The following ZNF839 variants were observed in gnomAD, a reference collection of about 807,000 sequenced individuals.
ZNF839 encodes the protein renal carcinoma antigen NY-REN-50.
Under a neutral mutation model 56.4 loss-of-function variants are expected in ZNF839, and 38 were observed. The ratio of observed to expected loss-of-function variants is 0.67; its 90% CI spans 0.52 to 0.88. The LOEUF (loss-of-function observed/expected upper bound fraction) is 0.88, where lower values mean the gene tolerates loss of function less well. ZNF839 is among the 40% of genes least tolerant of loss of function. The probability of loss-of-function intolerance (pLI) is 0.00; values close to 1 mark genes in which losing one functional copy is unlikely to be tolerated. For missense variants in ZNF839, 1,091 were observed against 1,177.6 expected (o/e 0.93, Z 1.08); for synonymous variants, 486 against 493.5 (o/e 0.98, Z 0.20).
At chr14:102,318,300 C>T (rs1319940457), upstream of ZNF839, among the ~76,000 whole-genome samples, 7 of 152,142 alleles carry the variant, frequency 4.6e-5, no homozygotes, top group East Asian at 1.9e-4. Flanking sequence ...GAATATGCCA[C>T]GGTGGCATGA....
At chr14:102,335,427 C>T (rs1042100821) in intron 4 of ZNF839, 10 of 377,508 alleles carry the variant, frequency 2.6e-5, no homozygotes, top group African/African-American at 4.2e-5. Flanking sequence ...TCCCTTCCCA[C>T]CCTGTCCAGG....
chr14:102,318,747 C>T (rs576929593), upstream of ZNF839, among the ~76,000 whole-genome samples: 3 of 152,178 alleles, frequency 2.0e-5, no homozygotes, highest in Non-Finnish European at 2.9e-5. Context: ...TGGTGGTGAT[C>T]TTCCAGAACC....
intron 7 of ZNF839, among the ~76,000 whole-genome samples, chr14:102,339,480 C>T (rs1886245531): frequency 1.3e-5 from 2 of 152,176 alleles, no homozygotes; most frequent in African/African-American, 4.8e-5. Context: ...TGCAGTGGCT[C>T]ACGCCTATAA....
At chr14:102,317,770 C>G (rs2072938583), upstream of ZNF839, 2 of 152,164 alleles carry the variant, frequency 1.3e-5, no homozygotes. Flanking sequence ...GAAACCTTCT[C>G]TTGCTTTTTG....
chr14:102,337,429 G>A (rs10134464), intron 5 of ZNF839: 6,618 of 150,814 alleles, frequency 0.044, 283 homozygotes, highest in African/African-American at 0.11. Context: ...TCAGCCTTCC[G>A]AAGTGCTGGG....
In ZNF839 at chr14:102,342,334, A is replaced by T. The variant is rs1886630818; in HGVS notation, c.*155A>T. ...TTCTAATGTGAATATTGCACAGATG[A>T]ACCTTTTATTTATAAAGAATAATGT... On this transcript the variant is annotated 3_prime_UTR_variant, in exon 8 of 8. Transcript: ENST00000442396. 1 of 853,720 alleles carries T rather than the reference A, an allele frequency of 1.2e-6. No homozygotes were observed. Among genetic ancestry groups the T allele is most frequent in the Non-Finnish European group, 1.7e-6 (1 of 572,262 alleles). 52.9% of individuals were successfully genotyped at this position (853,720 alleles called of 1,614,324 possible).
At chr14:102,324,030 T>C (rs2073273279) in intron 1 of ZNF839, among the ~76,000 whole-genome samples, 2 of 152,224 alleles carry the variant, frequency 1.3e-5, no homozygotes, top group Non-Finnish European at 2.9e-5. Context: ...TAGAAATATC[T>C]GCATATGCCA....
intron 1 of ZNF839, among the ~76,000 whole-genome samples, chr14:102,323,829 T>C (rs1306764551): frequency 6.6e-6 from 1 of 152,204 alleles, no homozygotes; most frequent in African/African-American, 2.4e-5. Flanking sequence ...GGAAACCACC[T>C]GTCCATCAAT....
chr14:102,317,940 G>A (rs1404420649), upstream of ZNF839, among the ~76,000 whole-genome samples: 1 of 152,192 alleles, frequency 6.6e-6, no homozygotes, highest in East Asian at 1.9e-4. Flanking sequence ...TAAGGTTGAT[G>A]CCATTTTATG....
chr14:102,328,973 CTT>C (rs201814671), intron 2 of ZNF839, among the ~76,000 whole-genome samples: 22 of 142,080 alleles, frequency 1.5e-4, no homozygotes, highest in Non-Finnish European at 1.5e-4. Context: ...CTGCTTTCTT[CTT>C]TTTTTTTTTT....
rs1360875106 is a variant in ZNF839, at chr14:102,319,777, G to A, written c.12G>A (p.Ala4=). The change falls in exon 1 of 8, where the codon GCG becomes GCA. Residue 4 remains alanine (A), a synonymous_variant. Coordinates refer to ENST00000442396, the MANE Select transcript of ZNF839 (RefSeq NM_018335.6). The surrounding 1 kb of genome is among the most constrained non-coding windows in gnomAD (Gnocchi z 4.5). ...CCGCCTCGGCCGCCATGGCGGATGC[G>A]GAGCCGGAGGCTGGGGGCGGCAGCG... The part of the protein sequence containing the change: MAD[A]EPEAGGGSED... 10 of 1,230,830 alleles carry A rather than the reference G, an allele frequency of 8.1e-6. No homozygotes were observed. Among genetic ancestry groups the A allele is most frequent in the Admixed American group, 4.2e-5 (1 of 23,542 alleles). The allele number at this position is 1,230,830 out of a possible 1,614,324, so 76.2% of individuals were successfully genotyped here.
chr14:102,333,354 G>GCTCA (rs1344962217), intron 3 of ZNF839, among the ~76,000 whole-genome samples: 2 of 147,236 alleles, frequency 1.4e-5, no homozygotes, highest in Non-Finnish European at 3.0e-5. Flanking sequence ...CACCTCCCAG[G>GCTCA]CTCAATTGAT....
intron 1 of ZNF839, among the ~76,000 whole-genome samples, chr14:102,325,139 T>G (rs1351419091): frequency 6.6e-6 from 1 of 151,982 alleles, no homozygotes; most frequent in Non-Finnish European, 1.5e-5. Context: ...ATCAATCACT[T>G]GACGTCAGGA....
chr14:102,341,509 T>C lies in ZNF839; in HGVS notation c.2114T>C (p.Val705Ala). 4.4e-6 allele frequency: 7 copies of C among 1,602,960 alleles called. No homozygotes were observed. The highest frequency in any genetic ancestry group is 6.0e-6 in the Non-Finnish European group (7 of 1,173,448). The change falls in exon 8 of 8, where the codon GTT becomes GCT. Residue 705 changes from valine to alanine, a missense_variant. By Grantham distance (64) the Val-to-Ala change is moderately conservative (BLOSUM62 0). Transcript: ENST00000442396. ...TCCCGGGATGTCAGTGGGCTGCCTG[T>C]TTATGCTCAGTCAGGAGAGCCTAGG... ...LSSRDVSGLPVYAQSGEPRRL... is the reference protein window; with the variant it reads ...LSSRDVSGLPAYAQSGEPRRL...
chr14:102,323,914 C>T (rs2073264483), intron 1 of ZNF839, among the ~76,000 whole-genome samples: 1 of 152,152 alleles, frequency 6.6e-6, no homozygotes, highest in African/African-American at 2.4e-5. Context: ...ATAAAATTCA[C>T]GAAGCAAAAT....
Position 102,334,602 on chromosome 14 carries a change from C to T in ZNF839, c.1465C>T (p.Gln489Ter), listed in dbSNP as rs749707926. The stretch of plus-strand genomic sequence containing the variant: ...GGATCTGGTGGAATTGGCTCTGCCT[C>T]AGCTGGCTCAGGTTGTGACCGTGTA... ...REDLVELALP[Q>*]LAQVVTVYEF... Residue 489 changes from glutamine to a stop codon, truncating the protein, a stop_gained, in exon 4 of 8, where the codon CAG becomes TAG. Coordinates refer to ENST00000442396, the MANE Select transcript of ZNF839 (RefSeq NM_018335.6). LOFTEE classifies it high-confidence loss of function. The T allele has an allele frequency of 1.2e-6, 2 of 1,612,656 alleles. No individual in the cohort carries two copies. The highest frequency in any genetic ancestry group is 2.2e-5 in the East Asian group (1 of 44,874).
At chr14:102,325,959 CTCTT>C (rs2073384658) in intron 1 of ZNF839, 22 bp from the exon 2 acceptor site, 3 of 1,602,554 alleles carry the variant, frequency 1.9e-6, no homozygotes, top group Non-Finnish European at 1.7e-6. Context: ...TGCTTCTTTT[CTCTT>C]TCTTGTCTTT....
At chr14:102,318,351 G>A (rs1331405200), upstream of ZNF839, among the ~76,000 whole-genome samples, 1 of 152,190 alleles carries the variant, frequency 6.6e-6, no homozygotes, top group East Asian at 1.9e-4. Context: ...CCTGAAATCT[G>A]GTCGGGTGTG....
intron 2 of ZNF839, among the ~76,000 whole-genome samples, chr14:102,329,591 G>A (rs2073665081): frequency 6.6e-6 from 1 of 151,566 alleles, no homozygotes; most frequent in Admixed American, 6.6e-5. Context: ...CGCCATATTC[G>A]CCAGGCTGGT....
Sources: gnomAD v4.1 joint callset for allele counts (sites outside exome capture counted in the v4.1 genomes callset) on GRCh38, gnomAD v4.1.1 for gene constraint, Gnocchi (gnomAD v3.1) non-coding constraint, MANE v1.5 for transcripts, NCBI Gene and HGNC (gene_info 2026-07-23, HGNC 2026-07-21) for gene names.